Variants in NEBL observed in about 807,000 individuals in gnomAD.
The protein encoded by NEBL is nebulette.
NEBL carries 122 observed loss-of-function variants against 140.2 expected under a neutral mutation model. The ratio of observed to expected loss-of-function variants is 0.87; its 90% CI spans 0.75 to 1.01. The LOEUF (loss-of-function observed/expected upper bound fraction) is 1.01. Among genes scored for constraint, NEBL ranks in the 50% least tolerant of loss-of-function variants. NEBL has a pLI of 0.00. For missense variants in NEBL, 1,365 were observed against 1,231.3 expected (o/e 1.11, Z -1.62); for synonymous variants, 436 against 398.9 (o/e 1.09, Z -1.11).
At chr10:21,049,991 A>C (rs189414103) in intron 2 of NEBL, among the ~76,000 whole-genome samples, 1 of 152,332 alleles carries the variant, frequency 6.6e-6, no homozygotes, top group African/African-American at 2.4e-5. Flanking sequence ...GTGAACATGA[A>C]AGGTTACTGA....
At chr10:21,054,079 G>A (rs963833537) in intron 2 of NEBL, among the ~76,000 whole-genome samples, 1 of 151,918 alleles carries the variant, frequency 6.6e-6, no homozygotes, top group African/African-American at 2.4e-5. Context: ...AAAACACTCA[G>A]GATATCAGGG....
intron 3 of NEBL, among the ~76,000 whole-genome samples, chr10:20,991,953 T>C (rs914548220): frequency 6.6e-6 from 1 of 152,156 alleles, no homozygotes; most frequent in Non-Finnish European, 1.5e-5. Context: ...GACTGTATTC[T>C]TTTTTATGGC....
chr10:21,169,888 A>G (rs1840999609), intron 2 of NEBL, among the ~76,000 whole-genome samples: 1 of 152,226 alleles, frequency 6.6e-6, no homozygotes, highest in Non-Finnish European at 1.5e-5. Flanking sequence ...AGGTATGTTG[A>G]GAGTATTAAA....
chr10:21,028,997 A>C (rs1171048268), intron 2 of NEBL: 2 of 633,086 alleles, frequency 3.2e-6, no homozygotes, highest in Non-Finnish European at 5.5e-6. Flanking sequence ...CCCGCTCCCA[A>C]CATGGCGGCC....
At chr10:20,834,661 C>T (rs1840710825) in intron 14 of NEBL, among the ~76,000 whole-genome samples, 1 of 152,174 alleles carries the variant, frequency 6.6e-6, no homozygotes, top group Non-Finnish European at 1.5e-5. Flanking sequence ...CACTGAAGCC[C>T]CCACCTAACC....
At chr10:21,290,386 C>G (rs971591864) in intron 1 of NEBL, among the ~76,000 whole-genome samples, 5 of 152,198 alleles carry the variant, frequency 3.3e-5, no homozygotes, top group Non-Finnish European at 7.3e-5. Flanking sequence ...CTAACCTTCT[C>G]TTGTTTCTTT....
chr10:20,798,823 G>C (rs918178295), intron 26 of NEBL, among the ~76,000 whole-genome samples: 13 of 152,092 alleles, frequency 8.5e-5, no homozygotes, highest in African/African-American at 3.1e-4. Flanking sequence ...CTGAATCTTG[G>C]CACATCGATG....
chr10:20,865,288 C>T (rs899333969), intron 7 of NEBL, among the ~76,000 whole-genome samples: 5 of 152,112 alleles, frequency 3.3e-5, no homozygotes, highest in African/African-American at 1.2e-4. Flanking sequence ...TTTCTATGGG[C>T]CAGGCACCAT....
chr10:20,794,849 T>C (rs1317392220), intron 26 of NEBL, among the ~76,000 whole-genome samples: 3 of 152,202 alleles, frequency 2.0e-5, no homozygotes, highest in Non-Finnish European at 4.4e-5. Context: ...TGTTCGGTTT[T>C]TTTCCTTACA....
chr10:21,189,759 G>T (rs975671943), intron 3 of NEBL, among the ~76,000 whole-genome samples: 2 of 152,118 alleles, frequency 1.3e-5, no homozygotes, highest in African/African-American at 2.4e-5. Flanking sequence ...GAGCCACCGC[G>T]CCTGGCCCAG....
intron 1 of NEBL, among the ~76,000 whole-genome samples, chr10:21,252,733 A>G (rs1842602360): frequency 6.6e-6 from 1 of 152,188 alleles, no homozygotes; most frequent in African/African-American, 2.4e-5. Flanking sequence ...AGGCGGGCAG[A>G]TCACCTGAGG....
chr10:21,025,037 A>C (rs1464640455), intron 2 of NEBL, among the ~76,000 whole-genome samples: 1 of 152,164 alleles, frequency 6.6e-6, no homozygotes, highest in Non-Finnish European at 1.5e-5. Flanking sequence ...AAAACAGAAG[A>C]TTTCTCCACC....
chr10:21,103,555 T>A (rs567333875), intron 2 of NEBL, among the ~76,000 whole-genome samples: 1 of 152,240 alleles, frequency 6.6e-6, no homozygotes, highest in African/African-American at 2.4e-5. Flanking sequence ...ATCTTAGCCA[T>A]CCTAACAAAA....
At chr10:21,169,067 AATATATATATATATATATATATAT>A (rs1176763018) in intron 2 of NEBL, among the ~76,000 whole-genome samples, 8 of 23,078 alleles carry the variant, frequency 3.5e-4, no homozygotes, top group South Asian at 3.3e-3. Flanking sequence ...AAAAAAAAAA[AATATATATATATATATATATATAT>A]ATATATATAT....
chr10:21,218,221 G>A (rs569780249), intron 3 of NEBL: 7 of 152,256 alleles, frequency 4.6e-5, no homozygotes, highest in African/African-American at 9.7e-5. Context: ...ATCCTGTGGC[G>A]ATCGTCACCA....
chr10:20,959,913 T>C (rs1370828240), intron 4 of NEBL, among the ~76,000 whole-genome samples: 9 of 152,064 alleles, frequency 5.9e-5, no homozygotes, highest in African/African-American at 2.2e-4. Context: ...TAAATATAGA[T>C]TAATACATAC....
intron 3 of NEBL, among the ~76,000 whole-genome samples, chr10:20,985,211 G>T (rs958475917): frequency 6.6e-6 from 1 of 152,056 alleles, no homozygotes; most frequent in Non-Finnish European, 1.5e-5. Flanking sequence ...CCACAAAATT[G>T]GTCCCTGGTG....
intron 5 of NEBL, among the ~76,000 whole-genome samples, chr10:20,872,276 T>C (rs1259367187): frequency 6.6e-6 from 1 of 152,072 alleles, no homozygotes; most frequent in African/African-American, 2.4e-5. Flanking sequence ...AAACAAATAT[T>C]AAGATTGACA....
chr10:21,130,315 A>G (rs1414153046), intron 2 of NEBL, among the ~76,000 whole-genome samples: 2 of 152,102 alleles, frequency 1.3e-5, no homozygotes, highest in African/African-American at 4.8e-5. Context: ...GGAAATTTCA[A>G]CACCCCTCTA....
Sources: allele counts gnomAD v4.1 joint callset (sites outside exome capture counted in the v4.1 genomes callset), GRCh38; gene constraint gnomAD v4.1.1; transcripts MANE v1.5; gene names NCBI Gene and HGNC (gene_info 2026-07-23, HGNC 2026-07-21).